The following NOX3 variants were observed in gnomAD, a reference collection of about 807,000 sequenced individuals.
NOX3 encodes the protein NADPH oxidase 3, also known as NADPH oxidase catalytic subunit-like 3.
NOX3 carries 74 observed loss-of-function variants against 76.7 expected under a neutral mutation model. That is an observed-to-expected ratio of 0.96 (90% CI 0.80 to 1.17). The LOEUF (loss-of-function observed/expected upper bound fraction) is 1.17, where lower values mean the gene tolerates loss of function less well. Ranked by LOEUF, NOX3 falls within the 50% of genes most tolerant of loss-of-function variation. NOX3 has a pLI of 0.00. For synonymous variants in NOX3, 263 were observed against 261.1 expected (o/e 1.01, Z -0.07); for missense variants, 695 against 703.3 (o/e 0.99, Z 0.13).
chr6:155,407,367 G>C (rs1238744821), intron 11 of NOX3, 113 bp from the exon 12 acceptor site: 8 of 990,706 alleles, frequency 8.1e-6, no homozygotes, highest in African/African-American at 1.6e-5. Flanking sequence ...ATGTGTACAG[G>C]GCTGGCAATG....
chr6:155,430,764 G>C (rs1387322853), intron 8 of NOX3, 79 bp downstream of exon 8: 6 of 822,486 alleles, frequency 7.3e-6, no homozygotes, highest in Non-Finnish European at 4.1e-6. Flanking sequence ...CAATAAAAAT[G>C]GCAAATTAAA....
intron 12 of NOX3, among the ~76,000 whole-genome samples, chr6:155,404,482 G>C (rs575522221): frequency 5.4e-4 from 82 of 152,260 alleles, no homozygotes; most frequent in African/African-American, 1.9e-3. Context: ...GGAGCAAGGA[G>C]GTGTCAGGAA....
rs1000819671 is a variant in NOX3, at chr6:155,395,401, T to A, written c.*201A>T. On this transcript the variant is annotated 3_prime_UTR_variant, in exon 14 of 14. Transcript: ENST00000159060. Reference sequence around the variant, plus strand: ...CATAATATATTTTAATTTCAGTAAATGTTTTTGTTCTGTTGTATATGACAT... The same window carrying A: ...CATAATATATTTTAATTTCAGTAAAAGTTTTTGTTCTGTTGTATATGACAT... 5 of 152,184 alleles carry A rather than the reference T, an allele frequency of 3.3e-5. No homozygotes were observed. Among genetic ancestry groups the A allele is most frequent in the African/African-American group, 9.6e-5 (4 of 41,452 alleles). The allele number at this position is 152,184 out of a possible 1,614,324, so 9.4% of individuals were successfully genotyped here.
intron 9 of NOX3, among the ~76,000 whole-genome samples, chr6:155,428,357 A>G (rs1291546242): frequency 6.6e-6 from 1 of 152,196 alleles, no homozygotes; most frequent in African/African-American, 2.4e-5. Flanking sequence ...CTTATATCCA[A>G]TATGACTTGG....
intron 12 of NOX3, among the ~76,000 whole-genome samples, chr6:155,403,089 T>C (rs1227210437): frequency 6.6e-6 from 1 of 152,194 alleles, no homozygotes; most frequent in Non-Finnish European, 1.5e-5. Context: ...AGTAATTGGA[T>C]TGTGTGTTTC....
chr6:155,437,622 C>G (rs778027530), intron 6 of NOX3, among the ~76,000 whole-genome samples: 2 of 152,200 alleles, frequency 1.3e-5, no homozygotes, highest in African/African-American at 2.4e-5. Context: ...ACAAATGATG[C>G]CCAGACATAG....
chr6:155,421,932 T>C (rs1776694320), intron 10 of NOX3, among the ~76,000 whole-genome samples: 2 of 152,194 alleles, frequency 1.3e-5, no homozygotes, highest in South Asian at 4.1e-4. Context: ...GGTTTACACA[T>C]TGAGACCTGG....
In NOX3 at chr6:155,443,407, C is replaced by T. The variant is rs200369845; in HGVS notation, c.352G>A (p.Val118Met). 6.2e-7 allele frequency: 1 copy of T among 1,613,818 alleles called. No individual in the cohort carries two copies. Among genetic ancestry groups the T allele is most frequent in the South Asian group, 1.1e-5 (1 of 91,056 alleles). ...GIAVNATIHIVAHFFNLERYH... is the reference protein window; with the variant it reads ...GIAVNATIHIMAHFFNLERYH... ...CGTTCCAGGTTGAAGAAATGCGCCA[C>T]GATGTGGATGGCTAGGACAAGGAGA... The change falls in exon 5 of 14, where the codon GTG becomes ATG. Residue 118 changes from valine to methionine, a missense_variant. By Grantham distance (21) the Val-to-Met change is conservative. Coordinates refer to ENST00000159060, the MANE Select transcript of NOX3 (RefSeq NM_015718.3).
chr6:155,440,212 T>A, intron 5 of NOX3, 75 bp from the exon 6 acceptor site: 1 of 1,277,798 alleles, frequency 7.8e-7, no homozygotes. Context: ...CTGGCATATT[T>A]TTTTTTTTCA....
chr6:155,425,988 T>A (rs1189491741), intron 9 of NOX3, among the ~76,000 whole-genome samples: 1 of 152,186 alleles, frequency 6.6e-6, no homozygotes, highest in African/African-American at 2.4e-5. Context: ...AGGGGCTGGA[T>A]TAAATTTGTC....
At chr6:155,455,513 A>G (rs1777202931) in intron 1 of NOX3, among the ~76,000 whole-genome samples, 1 of 152,234 alleles carries the variant, frequency 6.6e-6, no homozygotes, top group African/African-American at 2.4e-5. Flanking sequence ...ACACTCATAC[A>G]TTATGCAAAA....
At chr6:155,441,202 G>A (rs1776981558) in intron 5 of NOX3, among the ~76,000 whole-genome samples, 1 of 152,124 alleles carries the variant, frequency 6.6e-6, no homozygotes, top group African/African-American at 2.4e-5. Context: ...TCGTTGAGAC[G>A]GCCATGAGCT....
intron 9 of NOX3, among the ~76,000 whole-genome samples, chr6:155,427,688 T>C (rs1225418598): frequency 6.6e-6 from 1 of 152,226 alleles, no homozygotes; most frequent in Non-Finnish European, 1.5e-5. Flanking sequence ...TTTTCAAATA[T>C]GAAATTCTTC....
intron 10 of NOX3, among the ~76,000 whole-genome samples, chr6:155,419,588 C>T (rs150507987): frequency 4.2e-4 from 64 of 152,206 alleles, no homozygotes; most frequent in Non-Finnish European, 7.5e-4. Context: ...TTTTTATAAG[C>T]GATGAAAACA....
At chr6:155,446,026 G>A (rs1448837575) in intron 4 of NOX3, among the ~76,000 whole-genome samples, 2 of 127,628 alleles carry the variant, frequency 1.6e-5, no homozygotes, top group Non-Finnish European at 3.2e-5. Flanking sequence ...TTTTTCTTTA[G>A]CCTTTAAGTT....
At chr6:155,419,320 A>G (rs1582933673) in intron 10 of NOX3, among the ~76,000 whole-genome samples, 2 of 152,290 alleles carry the variant, frequency 1.3e-5, no homozygotes, top group Admixed American at 1.3e-4. Context: ...TGAAAACCTC[A>G]CTTCTTCCAT....
chr6:155,438,019 C>A (rs1776933563), intron 6 of NOX3, among the ~76,000 whole-genome samples: 1 of 152,096 alleles, frequency 6.6e-6, no homozygotes, highest in Admixed American at 6.6e-5. Context: ...ATTTGGATAT[C>A]AAAAATATCT....
chr6:155,411,145 T>C (rs1776544070), intron 11 of NOX3, 69 bp downstream of exon 11: 2 of 1,371,990 alleles, frequency 1.5e-6, no homozygotes, highest in South Asian at 1.4e-5. Flanking sequence ...TAGCTCATTA[T>C]TGAAATTGTT....
intron 8 of NOX3, among the ~76,000 whole-genome samples, chr6:155,430,543 A>G (rs1258164106): frequency 2.6e-5 from 4 of 151,956 alleles, no homozygotes; most frequent in Non-Finnish European, 5.9e-5. Context: ...TGTAAAGTAC[A>G]CTCACTCCCC....
Sources: allele counts gnomAD v4.1 joint callset (sites outside exome capture counted in the v4.1 genomes callset), GRCh38; gene constraint gnomAD v4.1.1; transcripts MANE v1.5; gene names NCBI Gene and HGNC (gene_info 2026-07-23, HGNC 2026-07-21).